Variants in UBAC2 observed in about 807,000 individuals in gnomAD.
The protein encoded by UBAC2 is UBA domain containing 2, also known as ubiquitin-associated domain-containing protein 2.
A neutral mutation model predicts 44.0 loss-of-function variants in UBAC2; 26 were observed. The observed-to-expected ratio is 0.59, with a 90% confidence interval of 0.43 to 0.82. The LOEUF (loss-of-function observed/expected upper bound fraction) is 0.82. Among genes scored for constraint, UBAC2 ranks in the 40% least tolerant of loss-of-function variants. The probability of loss-of-function intolerance (pLI) is 0.00; values close to 1 mark genes in which losing one functional copy is unlikely to be tolerated. For missense variants in UBAC2, 329 were observed against 419.4 expected (o/e 0.78, Z 1.88); for synonymous variants, 155 against 154.3 (o/e 1.00, Z -0.04).
chr13:99,218,373 A>G (rs2043019768), intron 1 of UBAC2, among the ~76,000 whole-genome samples: 1 of 152,102 alleles, frequency 6.6e-6, no homozygotes, highest in Admixed American at 6.6e-5. Flanking sequence ...GTGCTGTTTC[A>G]GGACTAGGAT....
intron 1 of UBAC2, among the ~76,000 whole-genome samples, chr13:99,222,315 A>G (rs2043060094): frequency 6.6e-6 from 1 of 152,254 alleles, no homozygotes; most frequent in Non-Finnish European, 1.5e-5. Context: ...TGAGGACTCA[A>G]TGGTGAGAAT....
At chr13:99,312,977 T>G (rs1566497688) in intron 4 of UBAC2, 1 of 152,604 alleles carries the variant, frequency 6.6e-6, no homozygotes, top group African/African-American at 2.4e-5. Flanking sequence ...TTTTTTTTGT[T>G]TTTGTTTGTT....
At chr13:99,353,740 C>G (rs1246911945) in intron 7 of UBAC2, among the ~76,000 whole-genome samples, 1 of 150,188 alleles carries the variant, frequency 6.7e-6, no homozygotes, top group Non-Finnish European at 1.5e-5. Flanking sequence ...CCAAAAAAAG[C>G]CATCCTGATG....
In UBAC2 at chr13:99,220,875, AT is replaced by A. The variant is rs897537424; in HGVS notation, c.32-17543del. Among the ~76,000 whole-genome samples the A allele has an allele frequency of 4.0e-5, 6 of 151,304 alleles. No individual in the cohort carries two copies. In the East Asian group the frequency reaches 5.8e-4, roughly 15 times the overall value. Reference sequence around the variant, plus strand: ...TTATTTTTTCTAATTGTCAAAATCGATTTTTTTTTGGTAAAAAATTAAGATC... The same window carrying A: ...TTATTTTTTCTAATTGTCAAAATCGATTTTTTTTGGTAAAAAATTAAGATC... On this transcript the variant is annotated intron_variant, in intron 1 of 8. Coordinates refer to ENST00000403766, the MANE Select transcript of UBAC2 (RefSeq NM_001144072.2).
intron 3 of UBAC2, 135 bp from the exon 4 acceptor site, chr13:99,244,376 TACAC>T (rs1474348840): frequency 1.8e-6 from 1 of 561,562 alleles, no homozygotes; most frequent in East Asian, 3.0e-5. Flanking sequence ...CAAATATATA[TACAC>T]ACATATGCAT....
At chr13:99,248,374 A>G (rs934853154) in intron 4 of UBAC2, among the ~76,000 whole-genome samples, 1 of 146,958 alleles carries the variant, frequency 6.8e-6, no homozygotes, top group Non-Finnish European at 1.5e-5. Flanking sequence ...TAGATGTGCC[A>G]CCATGCCCAC....
At chr13:99,338,071 T>TTTTTTTTTTTTTTTTTTTTTTTTTTA (rs1555330450) in intron 6 of UBAC2, among the ~76,000 whole-genome samples, 1 of 105,076 alleles carries the variant, frequency 9.5e-6, no homozygotes, top group Non-Finnish European at 1.9e-5. Context: ...TTTTTTTTTT[T>TTTTTTTTTTTTTTTTTTTTTTTTTTA]TTTTGAGACA....
intron 4 of UBAC2, among the ~76,000 whole-genome samples, chr13:99,312,452 G>A (rs1215551162): frequency 6.6e-6 from 1 of 152,186 alleles, no homozygotes; most frequent in South Asian, 2.1e-4. Context: ...TACCTGCCTA[G>A]CACTTGTAGG....
At chr13:99,256,553 T>C (rs1264317131) in intron 4 of UBAC2, 3 of 152,188 alleles carry the variant, frequency 2.0e-5, no homozygotes, top group Admixed American at 6.5e-5. Context: ...GTAACTTTCA[T>C]ATCCTCATTC....
At chr13:99,277,360 T>C (rs2043897458) in intron 4 of UBAC2, among the ~76,000 whole-genome samples, 3 of 152,040 alleles carry the variant, frequency 2.0e-5, no homozygotes, top group Admixed American at 2.0e-4. Context: ...ACCCCGTCTC[T>C]ACTAAAAATA....
intron 7 of UBAC2, among the ~76,000 whole-genome samples, chr13:99,359,282 A>G (rs2045231722): frequency 6.6e-6 from 1 of 152,094 alleles, no homozygotes; most frequent in East Asian, 1.9e-4. Context: ...AAAAAGGAAA[A>G]AGTGTTTCAT....
intron 1 of UBAC2, among the ~76,000 whole-genome samples, chr13:99,223,542 G>GTTTTTTTTTTTTTTTTTTTTTTTTTTTTT (rs145143990): frequency 1.3e-4 from 8 of 62,444 alleles, no homozygotes; most frequent in Admixed American, 1.9e-4. Flanking sequence ...CTCTTTTTCT[G>GTTTTTTTTTTTTTTTTTTTTTTTTTTTTT]TTTTTTTTTT....
At chr13:99,382,279 A>AC (rs2045561077) in intron 8 of UBAC2, among the ~76,000 whole-genome samples, 1 of 152,232 alleles carries the variant, frequency 6.6e-6, no homozygotes, top group African/African-American at 2.4e-5. Flanking sequence ...ATGGAATTTA[A>AC]CAGAGATATG....
chr13:99,247,736 C>T (rs955770532), intron 4 of UBAC2, among the ~76,000 whole-genome samples: 1 of 152,134 alleles, frequency 6.6e-6, no homozygotes, highest in Non-Finnish European at 1.5e-5. Context: ...CATGTATCCC[C>T]GGAACTTAAA....
At chr13:99,318,110 C>G in intron 6 of UBAC2, 41 bp downstream of exon 6, 1 of 1,541,758 alleles carries the variant, frequency 6.5e-7, no homozygotes, top group Non-Finnish European at 9.0e-7. Flanking sequence ...CTCTCTCTCT[C>G]CTGTAAAAAC....
At chr13:99,239,276 T>A (rs1459596169) in intron 2 of UBAC2, among the ~76,000 whole-genome samples, 2 of 152,264 alleles carry the variant, frequency 1.3e-5, no homozygotes, top group East Asian at 3.8e-4. Flanking sequence ...TAGTTATTTA[T>A]CCGTATTACT....
intron 4 of UBAC2, among the ~76,000 whole-genome samples, chr13:99,269,417 A>G (rs1379474990): frequency 2.6e-5 from 4 of 152,186 alleles, no homozygotes; most frequent in African/African-American, 7.2e-5. Context: ...ATTCACTGCA[A>G]TGTAGAGTTA....
Position 99,367,846 on chromosome 13 carries a change from C to T in UBAC2, c.867C>T (p.Asn289=), listed in dbSNP as rs774640168. 1 of 1,613,964 alleles carries T rather than the reference C, an allele frequency of 6.2e-7. No homozygotes were observed. The highest frequency in any genetic ancestry group is 8.5e-7 in the Non-Finnish European group (1 of 1,179,874). ...CTTTACGTCAGCGACAAAACGTAAA[C>T]TATCAGGGCGGTCGGCAGTCTGAGC... is the stretch of plus-strand genomic sequence containing the variant. The part of the protein sequence containing the change: ...FPPLRQRQNV[N]YQGGRQSEPA... Residue 289 remains asparagine (N), a synonymous_variant, in exon 8 of 9, where the codon AAC becomes AAT. Coordinates refer to ENST00000403766, the MANE Select transcript of UBAC2 (RefSeq NM_001144072.2).
intron 4 of UBAC2, among the ~76,000 whole-genome samples, chr13:99,279,510 T>G (rs2043926050): frequency 6.6e-6 from 1 of 152,188 alleles, no homozygotes; most frequent in Non-Finnish European, 1.5e-5. Context: ...GTAAATAAGA[T>G]GTAACAAATG....
Sources: gnomAD v4.1 joint callset for allele counts (sites outside exome capture counted in the v4.1 genomes callset) on GRCh38, gnomAD v4.1.1 for gene constraint, MANE v1.5 for transcripts, NCBI Gene and HGNC (gene_info 2026-07-23, HGNC 2026-07-21) for gene names.